The following DSCAM variants were observed in gnomAD, a reference collection of about 807,000 sequenced individuals.
DSCAM encodes the protein cell adhesion molecule DSCAM.
In DSCAM, 47 loss-of-function variants were observed where a neutral mutation model predicts 217.7. That is an observed-to-expected ratio of 0.22 (90% CI 0.17 to 0.28). DSCAM has a LOEUF of 0.28. DSCAM is among the 10% of genes least tolerant of loss of function. The pLI is 1.00. For synonymous variants in DSCAM, 1,056 were observed against 1,015.3 expected (o/e 1.04, Z -0.76); for missense variants, 2,080 against 2,618.3 (o/e 0.79, Z 4.49).
rs146562642 is a variant in DSCAM at position 40,675,603 on chromosome 21, G to T, written c.508+17207C>A. Among the ~76,000 whole-genome samples, 362 of 152,304 alleles carry T rather than the reference G, an allele frequency of 2.4e-3. 2 individuals are homozygous for T. Among genetic ancestry groups the T allele is most frequent in the Admixed American group, 0.011 (168 of 15,302 alleles). ...TCCAATTTAAATCACAAGAAAAGCT[G>T]CATTCTAAATTGCTATGAGTGTTGC... On this transcript the variant is annotated intron_variant, in intron 3 of 32. Coordinates refer to ENST00000400454, the MANE Select transcript of DSCAM (RefSeq NM_001389.5).
chr21:40,367,805 T>C (rs1413656699), intron 4 of DSCAM, among the ~76,000 whole-genome samples: 2 of 152,174 alleles, frequency 1.3e-5, no homozygotes, highest in African/African-American at 4.8e-5. Context: ...GTGTATGATA[T>C]TCCCTGGCTG....
rs1046643367 is a variant in DSCAM at position 40,352,513 on chromosome 21, C to T, written c.934+952G>A. Among the ~76,000 whole-genome samples the T allele has an allele frequency of 8.6e-5, 13 of 151,804 alleles. No homozygotes were observed. In the East Asian group the frequency reaches 2.1e-3, roughly 25 times the overall value. On this transcript the variant is annotated intron_variant, in intron 5 of 32. Coordinates refer to ENST00000400454, the MANE Select transcript of DSCAM (RefSeq NM_001389.5). ...AATATATTCTCTTAGGCTGGTGTTG[C>T]GCTAAGGCAGTCTACACTCAGGTTG... is the stretch of plus-strand genomic sequence containing the variant.
At chr21:40,370,672 G>A (rs2074887477) in intron 3 of DSCAM, among the ~76,000 whole-genome samples, 2 of 151,792 alleles carry the variant, frequency 1.3e-5, no homozygotes, top group Non-Finnish European at 2.9e-5. Flanking sequence ...CCAGGCTGTG[G>A]TGCAGTGGTA....
At chr21:40,277,381 T>C (rs1358101681) in intron 10 of DSCAM, among the ~76,000 whole-genome samples, 1 of 152,164 alleles carries the variant, frequency 6.6e-6, no homozygotes, top group Non-Finnish European at 1.5e-5. Context: ...GCTGTCTCCA[T>C]ACCCTAATGA....
intron 1 of DSCAM, among the ~76,000 whole-genome samples, chr21:40,756,725 A>G (rs1261133223): frequency 6.6e-6 from 1 of 152,160 alleles, no homozygotes; most frequent in Non-Finnish European, 1.5e-5. Context: ...AAGAATAGAC[A>G]AATACACTGT....
At chr21:40,674,117 C>A (rs1317939404) in intron 3 of DSCAM, among the ~76,000 whole-genome samples, 1 of 152,212 alleles carries the variant, frequency 6.6e-6, no homozygotes, top group East Asian at 1.9e-4. Context: ...TCCACATAAT[C>A]TTTTCCCTAT....
At chr21:40,063,710 T>C (rs990525618) in intron 27 of DSCAM, among the ~76,000 whole-genome samples, 1 of 152,204 alleles carries the variant, frequency 6.6e-6, no homozygotes, top group Non-Finnish European at 1.5e-5. Context: ...CAGCTGACAG[T>C]GTGACCAGCT....
At chr21:40,710,157 A>T (rs2090763454) in intron 1 of DSCAM, among the ~76,000 whole-genome samples, 1 of 151,448 alleles carries the variant, frequency 6.6e-6, no homozygotes, top group Non-Finnish European at 1.5e-5. Flanking sequence ...GTCTGTTTAT[A>T]TCATTTGCCC....
chr21:40,622,332 T>C (rs1002054355), intron 3 of DSCAM, among the ~76,000 whole-genome samples: 1 of 152,170 alleles, frequency 6.6e-6, no homozygotes, highest in Non-Finnish European at 1.5e-5. Context: ...TTCTAGACTC[T>C]AGAGGTTATC....
intron 3 of DSCAM, among the ~76,000 whole-genome samples, chr21:40,511,428 CAT>C (rs1321417359): frequency 6.6e-6 from 1 of 152,042 alleles, no homozygotes; most frequent in Non-Finnish European, 1.5e-5. Context: ...AAACAAATGT[CAT>C]AAATTTAGCA....
chr21:40,179,716 AG>A (rs1435964539), intron 14 of DSCAM, among the ~76,000 whole-genome samples: 1 of 152,212 alleles, frequency 6.6e-6, no homozygotes, highest in Non-Finnish European at 1.5e-5. Flanking sequence ...CCTTGGTTGT[AG>A]GAATTATTTT....
intron 3 of DSCAM, among the ~76,000 whole-genome samples, chr21:40,624,705 C>CA (rs1052267249): frequency 5.7e-4 from 87 of 151,540 alleles, no homozygotes; most frequent in African/African-American, 2.1e-3. Flanking sequence ...GAAGTCAGGC[C>CA]AAAAAAGAAA....
chr21:40,697,744 G>A (rs2090610673), intron 2 of DSCAM, among the ~76,000 whole-genome samples: 1 of 152,152 alleles, frequency 6.6e-6, no homozygotes, highest in Non-Finnish European at 1.5e-5. Flanking sequence ...CTACACCTGT[G>A]TTGTATTCTT....
chr21:40,517,070 CAT>C (rs768695310), intron 3 of DSCAM, among the ~76,000 whole-genome samples: 14 of 146,378 alleles, frequency 9.6e-5, no homozygotes, highest in South Asian at 2.1e-4. Context: ...TATATATATA[CAT>C]ATGTTACATA....
chr21:40,391,037 C>T (rs1042048561), intron 3 of DSCAM, among the ~76,000 whole-genome samples: 1 of 151,876 alleles, frequency 6.6e-6, no homozygotes, highest in African/African-American at 2.4e-5. Flanking sequence ...GGGAGACCTT[C>T]TCACTATGGA....
At chr21:40,485,203 C>G (rs992192410) in intron 3 of DSCAM, among the ~76,000 whole-genome samples, 2 of 151,662 alleles carry the variant, frequency 1.3e-5, no homozygotes, top group African/African-American at 4.8e-5. Flanking sequence ...CAGTCAGCCA[C>G]TCTACATATT....
chr21:40,844,617 T>A (rs778694003), intron 1 of DSCAM, among the ~76,000 whole-genome samples: 7 of 151,662 alleles, frequency 4.6e-5, no homozygotes, highest in Non-Finnish European at 7.3e-5. Context: ...TTGCATATAT[T>A]TTTCATATTG....
At chr21:40,646,570 C>T (rs1223949393) in intron 3 of DSCAM, among the ~76,000 whole-genome samples, 2 of 152,218 alleles carry the variant, frequency 1.3e-5, no homozygotes, top group East Asian at 1.9e-4. Flanking sequence ...CATATCCTAG[C>T]TTTTCTTCCT....
At chr21:40,404,036 A>G (rs547684535) in intron 3 of DSCAM, among the ~76,000 whole-genome samples, 9 of 152,258 alleles carry the variant, frequency 5.9e-5, no homozygotes, top group Non-Finnish European at 1.3e-4. Flanking sequence ...TTCCCTTTTT[A>G]ACATAAATGA....
Sources: gnomAD v4.1 joint callset for allele counts (sites outside exome capture counted in the v4.1 genomes callset) on GRCh38, gnomAD v4.1.1 for gene constraint, MANE v1.5 for transcripts, NCBI Gene and HGNC (gene_info 2026-07-23, HGNC 2026-07-21) for gene names.